SMARCA2: variants seen among roughly 807,000 people sequenced by gnomAD.
SMARCA2 encodes the protein SWI/SNF-related matrix-associated actin-dependent regulator of chromatin subfamily A member 2.
A neutral mutation model predicts 199.8 loss-of-function variants in SMARCA2; 61 were observed. The observed-to-expected ratio is 0.31, with a 90% CI of 0.25 to 0.38. SMARCA2 has a LOEUF of 0.38. Ranked by LOEUF, SMARCA2 falls within the 10% of genes least tolerant of loss-of-function variation. SMARCA2 has a pLI of 1.00. For synonymous variants in SMARCA2, 935 were observed against 732.0 expected (o/e 1.28, Z -4.48); for missense variants, 1,344 against 2,012.2 (o/e 0.67, Z 6.35).
At chr9:2,043,019 GAT>G (rs898813342) in intron 4 of SMARCA2, 1 of 151,948 alleles carries the variant, frequency 6.6e-6, no homozygotes, top group African/African-American at 2.4e-5. Flanking sequence ...TTTTAGAAAA[GAT>G]AAAATAAGGC....
intron 21 of SMARCA2, 91 bp downstream of exon 21, chr9:2,097,562 A>T: frequency 1.3e-6 from 1 of 761,802 alleles, no homozygotes; most frequent in East Asian, 2.6e-5. Context: ...AAAAAAAACC[A>T]AAATAGATTT....
intron 2 of SMARCA2, 109 bp downstream of exon 2, chr9:2,029,356 A>G (rs1326701446): frequency 2.1e-6 from 3 of 1,448,816 alleles, no homozygotes; most frequent in Non-Finnish European, 2.8e-6. Flanking sequence ...ATCATGCAAG[A>G]TCTTTGTCTT....
chr9:2,188,022 T>G (rs1052235905), intron 32 of SMARCA2, among the ~76,000 whole-genome samples: 2 of 152,038 alleles, frequency 1.3e-5, no homozygotes, highest in Non-Finnish European at 2.9e-5. Context: ...GAATTACACG[T>G]TTTTTTACCT....
In SMARCA2 at chr9:2,181,602, C is replaced by G. The variant is rs1827029183; in HGVS notation, c.4285C>G (p.Gln1429Glu). 6.2e-7 allele frequency: 1 copy of G among 1,603,352 alleles called. No homozygotes were observed. Among genetic ancestry groups the G allele is most frequent in the Non-Finnish European group, 8.5e-7 (1 of 1,170,220 alleles). ...GCGACAGCTCAGTGAAGTCTTCATT[C>G]AGTTACCTTCAAGGAAAGAATTACC... is the stretch of plus-strand genomic sequence containing the variant. The part of the protein sequence containing the change: ...SGRQLSEVFI[Q>E]LPSRKELPEY... The change falls in exon 30 of 34, where the codon CAG becomes GAG. Residue 1429 changes from glutamine (Q) to glutamate (E), a missense_variant. This residue lies in a region of SMARCA2 where 151 missense variants were observed against 154.0 expected (regional missense o/e 0.98). Coordinates refer to ENST00000349721, the MANE Select transcript of SMARCA2 (RefSeq NM_003070.5).
intron 1 of SMARCA2, among the ~76,000 whole-genome samples, chr9:2,024,128 GAT>G (rs1818721050): frequency 6.6e-6 from 1 of 152,174 alleles, no homozygotes; most frequent in Non-Finnish European, 1.5e-5. Context: ...CAATTTAAGA[GAT>G]ATTGTCAAGG....
intron 19 of SMARCA2, among the ~76,000 whole-genome samples, chr9:2,089,065 C>G (rs1228319175): frequency 2.0e-5 from 3 of 152,018 alleles, no homozygotes; most frequent in Non-Finnish European, 2.9e-5. Context: ...TGTCACCATT[C>G]TGACAGTAAG....
chr9:2,024,317 G>A (rs1489383535), intron 1 of SMARCA2, among the ~76,000 whole-genome samples: 2 of 152,084 alleles, frequency 1.3e-5, no homozygotes, highest in African/African-American at 4.8e-5. Flanking sequence ...CTATGACTGT[G>A]TTGGATAGTT....
chr9:2,176,182 G>GTTTTTCTTTTT (rs1826578282), intron 29 of SMARCA2, among the ~76,000 whole-genome samples: 1 of 104,160 alleles, frequency 9.6e-6, no homozygotes, highest in African/African-American at 3.7e-5. Flanking sequence ...CGCCCGGCCT[G>GTTTTTCTTTTT]TTTTTTTTTT....
intron 27 of SMARCA2, among the ~76,000 whole-genome samples, chr9:2,150,301 A>C (rs111445478): frequency 0.018 from 2,805 of 151,700 alleles, 108 homozygotes; most frequent in African/African-American, 0.064. Context: ...TGCAGCTCAA[A>C]TTCTTAATAG....
chr9:2,058,248 T>C (rs1302401211), intron 7 of SMARCA2, 43 bp from the exon 8 acceptor site: 1 of 1,565,908 alleles, frequency 6.4e-7, no homozygotes. Context: ...ACACTGGTCA[T>C]TGGATTTTAA....
chr9:2,190,870 C>T (rs1038912971), intron 32 of SMARCA2, among the ~76,000 whole-genome samples: 1 of 152,080 alleles, frequency 6.6e-6, no homozygotes, highest in Non-Finnish European at 1.5e-5. Flanking sequence ...AAATTATTGG[C>T]CTTTAAACTC....
chr9:2,162,482 T>C (rs1213277168), intron 28 of SMARCA2, among the ~76,000 whole-genome samples: 1 of 152,162 alleles, frequency 6.6e-6, no homozygotes, highest in Non-Finnish European at 1.5e-5. Context: ...GAGAAAGCTG[T>C]GTGGGACACT....
At chr9:2,087,142 C>T (rs1821834633) in intron 18 of SMARCA2, 71 bp downstream of exon 18, 12 of 1,572,088 alleles carry the variant, frequency 7.6e-6, no homozygotes, top group Non-Finnish European at 1.0e-5. Context: ...AAGCTGAGAA[C>T]ATTAGAGCCA....
chr9:2,027,805 TGTATTTTGTGAGGCTGACAGCAAAAA>T (rs1342125138), intron 1 of SMARCA2: 6 of 152,276 alleles, frequency 3.9e-5, no homozygotes. Flanking sequence ...TATGTCATTC[TGTATTTTGTGAGGCTGACAGCAAAAA>T]GTTTCTCCAT....
chr9:2,180,625 T>C (rs900203169), intron 29 of SMARCA2, among the ~76,000 whole-genome samples: 2 of 152,218 alleles, frequency 1.3e-5, no homozygotes, highest in Non-Finnish European at 2.9e-5. Flanking sequence ...GAAAAATGAC[T>C]GTATCACACA....
rs574289923 is a variant in SMARCA2, at chr9:2,095,005, C to T, written c.2884-1652C>T. ...CTCACAGACGTACCTTAAATATACA[C>T]AATATGTATTTGTATATATTATACC... On this transcript the variant is annotated intron_variant, in intron 19 of 33. Transcript: ENST00000349721. Among the ~76,000 whole-genome samples, 17 of 152,192 alleles carry T rather than the reference C, an allele frequency of 1.1e-4. No homozygotes were observed. In the South Asian group the frequency reaches 2.7e-3, roughly 24 times the overall value.
rs1037014618 is a variant in SMARCA2, at chr9:2,170,335, G to C, written c.4200-84G>C. The C allele has an allele frequency of 1.9e-6, 3 of 1,579,858 alleles. No homozygotes were observed. Among genetic ancestry groups the C allele is most frequent in the African/African-American group, 1.4e-5 (1 of 73,880 alleles). On this transcript the variant is annotated intron_variant, in intron 28 of 33. Transcript: ENST00000349721. This position sits in a 1 kb window ranked among gnomAD's most constrained non-coding sequence, Gnocchi z 4.7. The stretch of plus-strand genomic sequence containing the variant: ...TGGTGAGGAGACTGAGGCTTGGCCA[G>C]GTCACCCAGCCTAGGAAGAAGGAGC...
chr9:2,155,145 C>T (rs7048236), intron 27 of SMARCA2, among the ~76,000 whole-genome samples: 3,556 of 152,230 alleles, frequency 0.023, 139 homozygotes, highest in African/African-American at 0.081. Flanking sequence ...CAGGGCCAGA[C>T]GTTTTGTGGG....
At position 2,115,226 on chromosome 9, in the gene SMARCA2, AG is replaced by A. The variant is rs1050306584; in HGVS notation, c.3457-595del. 5.3e-5 allele frequency among the ~76,000 whole-genome samples: 8 copies of A among 152,176 alleles called. No homozygotes were observed. Among genetic ancestry groups the A allele is most frequent in the African/African-American group, 1.9e-4 (8 of 41,458 alleles). ...GTAGTGACAAATTTCTGTCCCCAAA[AG>A]TTTACCAGTTGACTACCCAACTAGC... On this transcript the variant is annotated intron_variant, in intron 24 of 33. Transcript: ENST00000349721. The surrounding 1 kb of genome is among the most constrained non-coding windows in gnomAD (Gnocchi z 6.0).
Sources: gnomAD v4.1 joint callset for allele counts (sites outside exome capture counted in the v4.1 genomes callset) on GRCh38, gnomAD v4.1.1 for gene constraint, gnomAD v4.1.1 regional missense constraint, Gnocchi (gnomAD v3.1) non-coding constraint, MANE v1.5 for transcripts, NCBI Gene and HGNC (gene_info 2026-07-23, HGNC 2026-07-21) for gene names.